The following ICAM2 variants were observed in gnomAD, a reference collection of about 807,000 sequenced individuals.
ICAM2 encodes ICAM-2.
ICAM2 carries 14 observed loss-of-function variants against 19.1 expected under a neutral mutation model. The ratio of observed to expected loss-of-function variants is 0.73; its 90% CI spans 0.48 to 1.15. The LOEUF is 1.15. Among genes scored for constraint, ICAM2 ranks in the 50% most tolerant of loss-of-function variants. ICAM2 has a pLI of 0.00. For missense variants in ICAM2, 311 were observed against 355.4 expected (o/e 0.88, Z 1.00); for synonymous variants, 153 against 152.7 (o/e 1.00, Z -0.01).
intron 4 of ICAM2, 26 bp downstream of exon 4, chr17:64,003,618 A>G: frequency 2.5e-6 from 4 of 1,596,606 alleles, no homozygotes; most frequent in Non-Finnish European, 3.4e-6. Flanking sequence ...TATCACTCCC[A>G]ACTCCATCCA....
At chr17:64,019,274 A>G (rs1911846764) in intron 1 of ICAM2, among the ~76,000 whole-genome samples, 1 of 152,170 alleles carries the variant, frequency 6.6e-6, no homozygotes, top group Non-Finnish European at 1.5e-5. Context: ...AGTCCCAACT[A>G]ATCAGGAGGC....
Position 64,003,932 on chromosome 17 carries a change from G to GCC in ICAM2, c.360_361insGG (p.Pro121GlyfsTer77). On this transcript the variant is annotated frameshift_variant, in exon 4 of 5. Transcript: ENST00000579788. LOFTEE classifies it high-confidence loss of function. ...GACTTGCCCACAGCCACCAAAGTGG[G>GCC]TTGCAGTGTCAGGATGACCTGCCTT... is the stretch of plus-strand genomic sequence containing the variant. 6.2e-7 allele frequency: 1 copy of GCC among 1,613,762 alleles called. No homozygotes were observed. Among genetic ancestry groups the GCC allele is most frequent in the Non-Finnish European group, 8.5e-7 (1 of 1,179,846 alleles).
chr17:64,010,618 A>G (rs1911413280), intron 1 of ICAM2, among the ~76,000 whole-genome samples: 1 of 152,172 alleles, frequency 6.6e-6, no homozygotes, highest in Admixed American at 6.5e-5. Flanking sequence ...AAACAGATAA[A>G]CAAAAAGTTT....
intron 3 of ICAM2, 192 bp from the exon 4 acceptor site, chr17:64,004,156 CATG>C (rs1349420417): frequency 1.1e-5 from 6 of 568,460 alleles, no homozygotes; most frequent in South Asian, 7.1e-5. Flanking sequence ...GTTTTACAGA[CATG>C]ATGGTTTCCG....
chr17:64,006,802 G>A, intron 1 of ICAM2, 67 bp from the exon 2 acceptor site: 1 of 918,338 alleles, frequency 1.1e-6, no homozygotes. Flanking sequence ...GCAAACTGAT[G>A]ACTGCATTTC....
chr17:64,011,393 C>G (rs907321458), intron 1 of ICAM2, among the ~76,000 whole-genome samples: 3 of 151,818 alleles, frequency 2.0e-5, no homozygotes, highest in Admixed American at 2.0e-4. Flanking sequence ...ACCTGGGAGG[C>G]AGAGGTTGCG....
chr17:64,003,531 T>G (rs1910956599), intron 4 of ICAM2, 113 bp downstream of exon 4: 2 of 950,168 alleles, frequency 2.1e-6, no homozygotes, highest in Non-Finnish European at 3.3e-6. Context: ...AGCCTCAGGA[T>G]GAAGGGTGGG....
At chr17:64,008,837 G>A (rs968542267) in intron 1 of ICAM2, among the ~76,000 whole-genome samples, 2 of 152,162 alleles carry the variant, frequency 1.3e-5, no homozygotes, top group Admixed American at 1.3e-4. Flanking sequence ...CTTCTGGAAG[G>A]GACAGTGCTT....
intron 1 of ICAM2, among the ~76,000 whole-genome samples, chr17:64,015,006 G>A (rs1911666607): frequency 6.6e-6 from 1 of 151,988 alleles, no homozygotes; most frequent in Admixed American, 6.6e-5. Context: ...AGAAAAAGAA[G>A]GCATGCGTAA....
intron 2 of ICAM2, 22 bp from the exon 3 acceptor site, chr17:64,005,395 G>A (rs181277275): frequency 1.2e-6 from 2 of 1,606,464 alleles, no homozygotes; most frequent in Admixed American, 3.3e-5. Flanking sequence ...GAAACACTGG[G>A]CAGTCGTGTC....
intron 2 of ICAM2, among the ~76,000 whole-genome samples, chr17:64,005,763 C>G (rs1023774723): frequency 1.3e-5 from 2 of 152,222 alleles, no homozygotes; most frequent in Non-Finnish European, 2.9e-5. Context: ...ACAGAGGGCC[C>G]TCTGTAGCCC....
intron 1 of ICAM2, among the ~76,000 whole-genome samples, chr17:64,015,778 G>A (rs941400102): frequency 5.9e-5 from 9 of 152,012 alleles, no homozygotes; most frequent in Admixed American, 2.0e-4. Context: ...ACTTGAATCC[G>A]TAATTTAAAG....
Position 64,002,920 on chromosome 17 carries a change from C to G in ICAM2, c.655G>C (p.Val219Leu). 3 of 1,612,932 alleles carry G rather than the reference C, an allele frequency of 1.9e-6. No individual in the cohort carries two copies. The Middle Eastern group carries it at 5.0e-4, about 266-fold the overall frequency. ...APKMLEIYEP[V>L]SDSQMVIIVT... ...ATGATGACCATCTGGCTGTCCGACA[C>G]AGGCTCTGGGGAGGGAGGGGGCAAG... Residue 219 changes from valine to leucine, a missense_variant, in exon 5 of 5, where the codon GTG becomes CTG. Transcript: ENST00000579788.
At position 64,008,430 on chromosome 17, in the gene ICAM2, CAAT is replaced by C. The variant is rs545363331; in HGVS notation, c.-44-1698_-44-1696del. ...AGAATAATAATAACAATAACAACAT[CAAT>C]AATAATAATAGTAAACATTTACTTA... On this transcript the variant is annotated intron_variant, in intron 1 of 4. Transcript: ENST00000579788. 4.6e-5 allele frequency among the ~76,000 whole-genome samples: 7 copies of C among 152,126 alleles called. No homozygotes were observed. The South Asian group carries it at 1.2e-3, about 27-fold the overall frequency.
intron 1 of ICAM2, among the ~76,000 whole-genome samples, chr17:64,018,333 C>CAA (rs376250303): frequency 0.072 from 3,757 of 52,258 alleles, 600 homozygotes; most frequent in African/African-American, 0.17. Flanking sequence ...GACTCTATCT[C>CAA]AAAAAAAAAA....
intron 1 of ICAM2, among the ~76,000 whole-genome samples, chr17:64,014,664 A>G (rs1911626304): frequency 7.2e-6 from 1 of 138,966 alleles, no homozygotes; most frequent in Non-Finnish European, 1.5e-5. Flanking sequence ...AAAGGAAGAA[A>G]GAGAGAAAGA....
In ICAM2 at chr17:64,006,670, T is replaced by C; in HGVS notation, c.22A>G (p.Thr8Ala). MSSFGYR[T>A]LTVALFTLIC... ...AGGGTGAAGAGGGCCACAGTCAGGG[T>C]CCTGTAACCGAAAGAGGACATCTCT... Residue 8 changes from threonine (T) to alanine (A), a missense_variant, in exon 2 of 5, where the codon ACC becomes GCC. Physicochemically the swap from Thr to Ala is moderately conservative, Grantham distance 58. Transcript: ENST00000579788. The C allele has an allele frequency of 6.2e-7, 1 of 1,614,098 alleles. No homozygotes were observed. The highest frequency in any genetic ancestry group is 8.5e-7 in the Non-Finnish European group (1 of 1,179,998).
intron 1 of ICAM2, among the ~76,000 whole-genome samples, chr17:64,018,828 T>C (rs1911827280): frequency 6.6e-6 from 1 of 150,770 alleles, no homozygotes; most frequent in Admixed American, 6.7e-5. Flanking sequence ...TTCGAGCTAT[T>C]CTCCTGCCTC....
In ICAM2 at chr17:64,002,938, G is replaced by A. The variant is rs900764683; in HGVS notation, c.650-13C>T. 6.2e-7 allele frequency: 1 copy of A among 1,611,674 alleles called. No individual in the cohort carries two copies. Among genetic ancestry groups the A allele is most frequent in the African/African-American group, 1.3e-5 (1 of 74,828 alleles). On this transcript the variant is annotated splice_polypyrimidine_tract_variant and intron_variant, in intron 4 of 4. Transcript: ENST00000579788. Reference sequence around the variant, plus strand: ...TCCGACACAGGCTCTGGGGAGGGAGGGGGCAAGGGTCTTAGACGTCCTGTG... The same window carrying A: ...TCCGACACAGGCTCTGGGGAGGGAGAGGGCAAGGGTCTTAGACGTCCTGTG...
Sources: gnomAD v4.1 joint callset for allele counts (sites outside exome capture counted in the v4.1 genomes callset) on GRCh38, gnomAD v4.1.1 for gene constraint, MANE v1.5 for transcripts, NCBI Gene and HGNC (gene_info 2026-07-23, HGNC 2026-07-21) for gene names.